Variants in PSD observed in about 807,000 individuals in gnomAD.
PSD encodes the protein PH and SEC7 domain-containing protein 1.
A neutral mutation model predicts 91.6 loss-of-function variants in PSD; 32 were observed. That is an observed-to-expected ratio of 0.35 (90% CI 0.26 to 0.47). PSD has a LOEUF of 0.47. Among genes scored for constraint, PSD ranks in the 20% least tolerant of loss-of-function variants. PSD has a pLI of 1.00. For synonymous variants in PSD, 532 were observed against 569.3 expected (o/e 0.93, Z 0.93); for missense variants, 1,099 against 1,373.9 (o/e 0.80, Z 3.16).
chr10:102,413,662 G>T, intron 5 of PSD, 107 bp downstream of exon 5: 1 of 1,186,818 alleles, frequency 8.4e-7, no homozygotes, highest in Non-Finnish European at 1.2e-6. Flanking sequence ...CCCCTACTCA[G>T]GGGTCAGGAA....
Position 102,410,941 on chromosome 10 carries a change from C to T in PSD, c.2008G>A (p.Gly670Arg), listed in dbSNP as rs372177340. The T allele has an allele frequency of 7.4e-6, 12 of 1,613,720 alleles. No individual in the cohort carries two copies. The South Asian group carries it at 8.8e-5, about 12-fold the overall frequency. The change falls in exon 10 of 17, where the codon GGG (glycine) becomes AGG (arginine). Residue 670 changes from glycine to arginine, a missense_variant. Coordinates refer to ENST00000020673, the MANE Select transcript of PSD (RefSeq NM_002779.5). The surrounding 1 kb of genome is among the most constrained non-coding windows in gnomAD (Gnocchi z 6.0). ...LNTDLHGHNI[G>R]KRMTCGDFIG... is the part of the protein sequence containing the mutation. ...AAGTCCCCGCAGGTCATGCGCTTCCCGATGTTCTAAGGAAGGGAACGGAGG... is the reference window on the plus strand; with the variant it reads ...AAGTCCCCGCAGGTCATGCGCTTCCTGATGTTCTAAGGAAGGGAACGGAGG...
At position 102,404,801 on chromosome 10, in the gene PSD, G is replaced by A; in HGVS notation, c.2556-74C>T. ...CCAGGATGCCAGTCCTGGCTCAAGT[G>A]TGGCCTGAGAAGGAATGAAAAAATC... On this transcript the variant is annotated intron_variant, in intron 14 of 16. Transcript: ENST00000020673. This position sits in a 1 kb window ranked among gnomAD's most constrained non-coding sequence, Gnocchi z 5.7. The A allele has an allele frequency of 1.3e-6, 2 of 1,567,054 alleles. No homozygotes were observed. Among genetic ancestry groups the A allele is most frequent in the Middle Eastern group, 1.7e-4 (1 of 5,812 alleles).
chr10:102,412,980 A>G (rs1011798025), intron 5 of PSD, among the ~76,000 whole-genome samples: 1 of 152,194 alleles, frequency 6.6e-6, no homozygotes, highest in Non-Finnish European at 1.5e-5. Context: ...GGCCAGGGAA[A>G]GATTTGAGGG....
chr10:102,417,507 G>A (rs1438430372), intron 1 of PSD, among the ~76,000 whole-genome samples: 5 of 152,032 alleles, frequency 3.3e-5, no homozygotes, highest in Admixed American at 3.3e-4. Flanking sequence ...ATACAGCCCT[G>A]TGACCCCTAT....
Position 102,410,507 on chromosome 10 carries a change from C to T in PSD, c.2091+351G>A, listed in dbSNP as rs1454709496. On this transcript the variant is annotated intron_variant, in intron 10 of 16. Coordinates refer to ENST00000020673, the MANE Select transcript of PSD (RefSeq NM_002779.5). This position sits in a 1 kb window ranked among gnomAD's most constrained non-coding sequence, Gnocchi z 6.0. ...GTGTACCCCCATCCAATCCCTGTCC[C>T]GTGCAGGGACCCCCGCAACTCCCGC... 2.0e-5 allele frequency among the ~76,000 whole-genome samples: 3 copies of T among 152,214 alleles called. No individual in the cohort carries two copies. The highest frequency in any genetic ancestry group is 7.2e-5 in the African/African-American group (3 of 41,460).
chr10:102,412,341 C>G (rs368907951), intron 6 of PSD, 40 bp downstream of exon 6: 2 of 1,611,502 alleles, frequency 1.2e-6, no homozygotes, highest in Non-Finnish European at 1.7e-6. Flanking sequence ...AGGATGCATT[C>G]CCTCTGCCCC....
chr10:102,410,775 C>A lies in PSD; in HGVS notation c.2091+83G>T. 9.2e-7 allele frequency: 1 copy of A among 1,092,760 alleles called. No homozygotes were observed. Among genetic ancestry groups the A allele is most frequent in the South Asian group, 1.2e-5 (1 of 80,092 alleles). The allele number at this position is 1,092,760 out of a possible 1,614,324, so 67.7% of individuals were successfully genotyped here. A position where few individuals can be genotyped will look rare whatever the true frequency, so the allele number is the denominator to read the frequency against. On this transcript the variant is annotated intron_variant, in intron 10 of 16. Transcript: ENST00000020673. The surrounding 1 kb of genome is among the most constrained non-coding windows in gnomAD (Gnocchi z 6.0). The stretch of plus-strand genomic sequence containing the variant: ...GGGGGTCGGCAAGCCCCAGCCCTGC[C>A]CTCCCTCCGACTCTGGACTCCGTCG...
intron 5 of PSD, among the ~76,000 whole-genome samples, chr10:102,412,890 C>T (rs1565225767): frequency 2.0e-5 from 3 of 152,088 alleles, no homozygotes; most frequent in South Asian, 4.1e-4. Context: ...CCACCCTGGC[C>T]CTACACAGAA....
Position 102,404,765 on chromosome 10 carries a change from G to C in PSD, c.2556-38C>G. On this transcript the variant is annotated intron_variant, in intron 14 of 16. Transcript: ENST00000020673. This position sits in a 1 kb window ranked among gnomAD's most constrained non-coding sequence, Gnocchi z 5.7. ...CACAGCCCTTTGGGACCTGGGCCCA[G>C]GGTTTCTGTCCCAGGATGCCAGTCC... The C allele has an allele frequency of 6.4e-7, 1 of 1,555,362 alleles. No individual in the cohort carries two copies.
intron 10 of PSD, chr10:102,408,808 C>T (rs1370722915): frequency 2.0e-5 from 18 of 886,636 alleles, no homozygotes; most frequent in Non-Finnish European, 2.3e-5. Flanking sequence ...GCTCCGCCCT[C>T]GGTTGGCACC....
chr10:102,408,294 A>G (rs1011208080), intron 10 of PSD, among the ~76,000 whole-genome samples: 7 of 152,186 alleles, frequency 4.6e-5, no homozygotes, highest in Non-Finnish European at 1.0e-4. Flanking sequence ...AACAAACCAC[A>G]GTCTCTGACT....
At position 102,405,102 on chromosome 10, in the gene PSD, A is replaced by T; in HGVS notation, c.2398-47T>A. ...CCTGGCCCCAAATGCAGCCTGGCCC[A>T]GCCCCTCCTATTCCCACCCATCACC... On this transcript the variant is annotated intron_variant, in intron 13 of 16. Transcript: ENST00000020673. The surrounding 1 kb of genome is among the most constrained non-coding windows in gnomAD (Gnocchi z 5.4). 6.2e-7 allele frequency: 1 copy of T among 1,610,902 alleles called. No individual in the cohort carries two copies. Among genetic ancestry groups the T allele is most frequent in the Non-Finnish European group, 8.5e-7 (1 of 1,178,598 alleles).
chr10:102,402,896 G>C lies in PSD; in HGVS notation c.*304C>G, dbSNP rs1339208189. 1 of 310,958 alleles carries C rather than the reference G, an allele frequency of 3.2e-6. No individual in the cohort carries two copies. Among genetic ancestry groups the C allele is most frequent in the Non-Finnish European group, 5.9e-6 (1 of 170,086 alleles). The allele number at this position is 310,958 out of a possible 1,614,324, so 19.3% of individuals were successfully genotyped here. A position where few individuals can be genotyped will look rare whatever the true frequency, so the allele number is the denominator to read the frequency against. Reference sequence around the variant, plus strand: ...GTGGTCTCAGCAGAAAGCAGAAACGGCATCAGGCCTCTCCCACACAAAAAA... The same window carrying C: ...GTGGTCTCAGCAGAAAGCAGAAACGCCATCAGGCCTCTCCCACACAAAAAA... On this transcript the variant is annotated 3_prime_UTR_variant, in exon 17 of 17. Coordinates refer to ENST00000020673, the MANE Select transcript of PSD (RefSeq NM_002779.5).
intron 3 of PSD, 97 bp from the exon 4 acceptor site, chr10:102,415,326 A>G: frequency 7.1e-7 from 1 of 1,402,708 alleles, no homozygotes; most frequent in Admixed American, 2.3e-5. Flanking sequence ...TCATATTGAC[A>G]GGAAGTTCTT....
Position 102,405,567 on chromosome 10 carries a change from G to C in PSD, c.2136-31C>G, listed in dbSNP as rs768114689. Reference sequence around the variant, plus strand: ...GGTGTGATCACCTCAGAGGGGGCTGGCCATGGAGCCGCGGCCCCCGCTTCA... The same window carrying C: ...GGTGTGATCACCTCAGAGGGGGCTGCCCATGGAGCCGCGGCCCCCGCTTCA... On this transcript the variant is annotated intron_variant, in intron 11 of 16. Coordinates refer to ENST00000020673, the MANE Select transcript of PSD (RefSeq NM_002779.5). This position sits in a 1 kb window ranked among gnomAD's most constrained non-coding sequence, Gnocchi z 5.4. 2 of 1,579,908 alleles carry C rather than the reference G, an allele frequency of 1.3e-6. No homozygotes were observed. Among genetic ancestry groups the C allele is most frequent in the African/African-American group, 2.7e-5 (2 of 74,098 alleles).
In PSD at chr10:102,403,570, G is replaced by A. The variant is rs576535635; in HGVS notation, c.2845-140C>T. On this transcript the variant is annotated intron_variant, in intron 16 of 16. Transcript: ENST00000020673. This position sits in a 1 kb window ranked among gnomAD's most constrained non-coding sequence, Gnocchi z 6.7. ...CTGTGAGATGGTCCCATGCGGGCTG[G>A]TGCCCCCTCTGGGCTCTCCTGGGAC... 332 of 895,964 alleles carry A rather than the reference G, an allele frequency of 3.7e-4. No homozygotes were observed. Among genetic ancestry groups the A allele is most frequent in the Non-Finnish European group, 5.4e-4 (326 of 603,850 alleles). 55.5% of individuals were successfully genotyped at this position (895,964 alleles called of 1,614,324 possible).
At position 102,404,058 on chromosome 10, in the gene PSD, A is replaced by G. The variant is rs1589879257; in HGVS notation, c.2701-73T>C. 1.4e-6 allele frequency: 2 copies of G among 1,438,756 alleles called. No individual in the cohort carries two copies. Among genetic ancestry groups the G allele is most frequent in the South Asian group, 1.4e-5 (1 of 72,202 alleles). The allele number at this position is 1,438,756 out of a possible 1,614,324, so 89.1% of individuals were successfully genotyped here. Reference sequence around the variant, plus strand: ...TGCCTCTGCAGATTTTTAAAAAGATACCCCTTCCAGCCGGGCGCGGTGGCT... The same window carrying G: ...TGCCTCTGCAGATTTTTAAAAAGATGCCCCTTCCAGCCGGGCGCGGTGGCT... On this transcript the variant is annotated intron_variant, in intron 15 of 16. Transcript: ENST00000020673. This position sits in a 1 kb window ranked among gnomAD's most constrained non-coding sequence, Gnocchi z 5.7.
In PSD at chr10:102,405,496, C is replaced by G. The variant is rs772717298; in HGVS notation, c.2176G>C (p.Asp726His). 4 of 1,613,926 alleles carry G rather than the reference C, an allele frequency of 2.5e-6. No homozygotes were observed. Among genetic ancestry groups the G allele is most frequent in the Non-Finnish European group, 3.4e-6 (4 of 1,179,972 alleles). ...ELRRSLSELADPNPKVIKRIS... is the reference protein window; with the variant it reads ...ELRRSLSELAHPNPKVIKRIS... ...CGCTTGATGACCTTGGGGTTGGGGTCGGCCAACTCAGACAGAGAGCGTCTC... is the reference window on the plus strand; with the variant it reads ...CGCTTGATGACCTTGGGGTTGGGGTGGGCCAACTCAGACAGAGAGCGTCTC... Residue 726 changes from aspartate to histidine, a missense_variant, in exon 12 of 17, where the codon GAC becomes CAC. By Grantham distance (81) the Asp-to-His change is moderately conservative. Around this residue, in one of 3 missense-constraint regions of PSD, gnomAD observed 358 missense variants for 426.5 expected, o/e 0.84. Transcript: ENST00000020673. This position sits in a 1 kb window ranked among gnomAD's most constrained non-coding sequence, Gnocchi z 5.4.
Position 102,412,561 on chromosome 10 carries a change from C to T in PSD, c.1568G>A (p.Ser523Asn), listed in dbSNP as rs2061435404. 1.2e-6 allele frequency: 2 copies of T among 1,611,870 alleles called. No homozygotes were observed. The highest frequency in any genetic ancestry group is 3.3e-5 in the Admixed American group (2 of 59,912). The change falls in exon 6 of 17, where the codon AGC becomes AAC. Residue 523 changes from serine (S) to asparagine (N), a missense_variant. Ser to Asn is a conservative substitution (Grantham distance 46). Coordinates refer to ENST00000020673, the MANE Select transcript of PSD (RefSeq NM_002779.5). The part of the protein sequence containing the change: ...AAPLGSEPPL[S>N]QLVSDSDSEL... The stretch of plus-strand genomic sequence containing the variant: ...TGAGTCTGAGTCGGACACCAGCTGG[C>T]TCAGGGGTGGTTCGCTGCCGGGGTA...
Sources: gnomAD v4.1 joint callset for allele counts (sites outside exome capture counted in the v4.1 genomes callset) on GRCh38, gnomAD v4.1.1 for gene constraint, gnomAD v4.1.1 regional missense constraint, Gnocchi (gnomAD v3.1) non-coding constraint, MANE v1.5 for transcripts, NCBI Gene and HGNC (gene_info 2026-07-23, HGNC 2026-07-21) for gene names.